Variants in ST8SIA6 observed in about 807,000 individuals in gnomAD.
The protein encoded by ST8SIA6 is ST8 alpha-N-acetyl-neuraminide alpha-2,8-sialyltransferase 6, also known as alpha-2,8-sialyltransferase 8F.
Under a neutral mutation model 33.6 loss-of-function variants are expected in ST8SIA6, and 39 were observed. The ratio of observed to expected loss-of-function variants is 1.16; its 90% CI spans 0.90 to 1.52. The LOEUF (loss-of-function observed/expected upper bound fraction) is 1.52, where lower values mean the gene tolerates loss of function less well. Ranked by LOEUF, ST8SIA6 falls within the 40% of genes most tolerant of loss-of-function variation. ST8SIA6 has a pLI of 0.00. For synonymous variants in ST8SIA6, 172 were observed against 167.2 expected (o/e 1.03, Z -0.22); for missense variants, 441 against 443.8 (o/e 0.99, Z 0.06).
chr10:17,446,042 A>G (rs1265232305), intron 2 of ST8SIA6, among the ~76,000 whole-genome samples: 1 of 152,146 alleles, frequency 6.6e-6, no homozygotes, highest in Non-Finnish European at 1.5e-5. Flanking sequence ...CACAATTAAA[A>G]AAAAAAACTC....
intron 2 of ST8SIA6, among the ~76,000 whole-genome samples, chr10:17,447,478 A>G (rs1398031350): frequency 6.6e-6 from 1 of 152,070 alleles, no homozygotes; most frequent in Non-Finnish European, 1.5e-5. Context: ...CAAAAAAAAA[A>G]GTGCCCTCAA....
chr10:17,419,627 G>T (rs974764605), intron 2 of ST8SIA6, among the ~76,000 whole-genome samples: 1 of 152,206 alleles, frequency 6.6e-6, no homozygotes, highest in Non-Finnish European at 1.5e-5. Flanking sequence ...CCAATATGAA[G>T]ATCATTGTCT....
intron 2 of ST8SIA6, among the ~76,000 whole-genome samples, chr10:17,428,317 C>A (rs1017966803): frequency 6.6e-6 from 1 of 152,184 alleles, no homozygotes; most frequent in Non-Finnish European, 1.5e-5. Context: ...TTGCTGATGG[C>A]TTCCTGTCTG....
chr10:17,323,013 T>A (rs7085734), intron 7 of ST8SIA6, 52 bp downstream of exon 7: 505,117 of 1,502,260 alleles, frequency 0.34, 91,884 homozygotes, highest in African/African-American at 0.65. Flanking sequence ...GAGAAACATG[T>A]TGAACAATGA....
At chr10:17,399,024 C>G (rs1431787255) in intron 2 of ST8SIA6, 1 of 152,178 alleles carries the variant, frequency 6.6e-6, no homozygotes, top group Non-Finnish European at 1.5e-5. Flanking sequence ...TTTTAATTAA[C>G]AAATTAATAT....
chr10:17,410,836 TTTAA>T (rs1851423797), intron 2 of ST8SIA6, among the ~76,000 whole-genome samples: 1 of 152,202 alleles, frequency 6.6e-6, no homozygotes, highest in Non-Finnish European at 1.5e-5. Flanking sequence ...GTTTATTCTA[TTTAA>T]TTGAGATTTT....
chr10:17,374,748 A>AAAATAT (rs1344895365), intron 3 of ST8SIA6, among the ~76,000 whole-genome samples: 38 of 67,572 alleles, frequency 5.6e-4, no homozygotes, highest in East Asian at 2.2e-3. Context: ...ATAAATAAAT[A>AAAATAT]ATAAATATAT....
At chr10:17,427,590 T>C (rs1851979102) in intron 2 of ST8SIA6, among the ~76,000 whole-genome samples, 7 of 152,118 alleles carry the variant, frequency 4.6e-5, no homozygotes, top group Non-Finnish European at 7.4e-5. Flanking sequence ...GAGGAGAAGG[T>C]GATGGGATTT....
intron 3 of ST8SIA6, among the ~76,000 whole-genome samples, chr10:17,369,239 C>T (rs1478012901): frequency 6.6e-6 from 1 of 152,148 alleles, no homozygotes; most frequent in Admixed American, 6.5e-5. Context: ...TTATTACCCC[C>T]TGCATCCCAT....
chr10:17,448,804 T>TG (rs1852813828), intron 2 of ST8SIA6, among the ~76,000 whole-genome samples: 1 of 144,086 alleles, frequency 6.9e-6, no homozygotes, highest in Non-Finnish European at 1.5e-5. Context: ...TTTTTTTTTT[T>TG]GTTAGAGACA....
intron 3 of ST8SIA6, among the ~76,000 whole-genome samples, chr10:17,371,618 C>T (rs569803168): frequency 4.6e-4 from 70 of 151,536 alleles, no homozygotes; most frequent in African/African-American, 1.7e-3. Context: ...AACCCCTTCT[C>T]GACTAAAAAT....
At chr10:17,348,009 A>T (rs1431611595) in intron 4 of ST8SIA6, among the ~76,000 whole-genome samples, 1 of 151,646 alleles carries the variant, frequency 6.6e-6, no homozygotes, top group Non-Finnish European at 1.5e-5. Flanking sequence ...AGTGTGAAAA[A>T]CACAAGTTCT....
At chr10:17,451,397 A>T (rs1852903705) in intron 2 of ST8SIA6, among the ~76,000 whole-genome samples, 1 of 152,202 alleles carries the variant, frequency 6.6e-6, no homozygotes, top group South Asian at 2.1e-4. Context: ...TGGAATAATA[A>T]ACACTGGAGA....
rs1217680445 is a variant in ST8SIA6, at chr10:17,319,059, C to T, written c.*1819G>A. ...AGAGCTTCAAACAATGGCCAACAAC[C>T]CCAATCTGCTGTGAAATCACAACTA... On this transcript the variant is annotated 3_prime_UTR_variant, in exon 8 of 8. Transcript: ENST00000377602. Among the ~76,000 whole-genome samples the T allele has an allele frequency of 1.3e-5, 2 of 152,042 alleles. No individual in the cohort carries two copies. The highest frequency in any genetic ancestry group is 2.9e-5 in the Non-Finnish European group (2 of 68,006).
intron 2 of ST8SIA6, among the ~76,000 whole-genome samples, chr10:17,434,686 G>A (rs1290263970): frequency 6.6e-6 from 1 of 152,092 alleles, no homozygotes; most frequent in African/African-American, 2.4e-5. Context: ...AATACAGCCT[G>A]TACGCAGCAG....
At chr10:17,387,446 GC>G (rs1380446773) in intron 3 of ST8SIA6, among the ~76,000 whole-genome samples, 36 of 116,536 alleles carry the variant, frequency 3.1e-4, no homozygotes, top group South Asian at 7.4e-4. Flanking sequence ...GGGCGGTGGG[GC>G]GGGGGGGGGG....
At chr10:17,387,055 A>G (rs1462823150) in intron 3 of ST8SIA6, 7 of 152,180 alleles carry the variant, frequency 4.6e-5, no homozygotes, top group African/African-American at 1.7e-4. Context: ...GCCGGATGGC[A>G]AAAGAGCCCA....
intron 3 of ST8SIA6, among the ~76,000 whole-genome samples, chr10:17,368,444 C>T (rs745828029): frequency 3.8e-5 from 5 of 131,800 alleles, no homozygotes; most frequent in African/African-American, 5.4e-5. Flanking sequence ...TCTATGTTCT[C>T]GTGAAGTTTA....
intron 3 of ST8SIA6, among the ~76,000 whole-genome samples, chr10:17,384,317 G>A (rs1850261373): frequency 6.6e-6 from 1 of 152,146 alleles, no homozygotes; most frequent in African/African-American, 2.4e-5. Flanking sequence ...GACTGGGCTT[G>A]GCTTTTAAAA....
Sources: gnomAD v4.1 joint callset for allele counts (sites outside exome capture counted in the v4.1 genomes callset) on GRCh38, gnomAD v4.1.1 for gene constraint, MANE v1.5 for transcripts, NCBI Gene and HGNC (gene_info 2026-07-23, HGNC 2026-07-21) for gene names.